Variants in TNIK observed in about 807,000 individuals in gnomAD.
The protein encoded by TNIK is TRAF2 and NCK interacting kinase, also known as TRAF2 and NCK-interacting protein kinase.
TNIK carries 49 observed loss-of-function variants against 191.3 expected under a neutral mutation model. That is an observed-to-expected ratio of 0.26 (90% CI 0.20 to 0.32). The LOEUF (loss-of-function observed/expected upper bound fraction) is 0.32, where lower values mean the gene tolerates loss of function less well. Among genes scored for constraint, TNIK ranks in the 10% least tolerant of loss-of-function variants. The pLI is 1.00. For synonymous variants in TNIK, 594 were observed against 600.9 expected (o/e 0.99, Z 0.17); for missense variants, 1,155 against 1,702.3 (o/e 0.68, Z 5.66).
intron 22 of TNIK, among the ~76,000 whole-genome samples, chr3:171,096,175 G>A (rs1314536424): frequency 1.3e-5 from 2 of 152,008 alleles, no homozygotes; most frequent in Non-Finnish European, 2.9e-5. Context: ...GGCTCAGTTG[G>A]CCTGGTGGCA....
rs780847777 is a variant in TNIK at position 171,085,237 on chromosome 3, A to G, written c.2887-8T>C. The G allele has an allele frequency of 2.5e-6, 4 of 1,599,796 alleles. No homozygotes were observed. The South Asian group carries it at 3.4e-5, about 14-fold the overall frequency. Reference sequence around the variant, plus strand: ...GCTGCTCCCCATGCCATACTAATCAATAAGCAAGAAGATTAAGAAGAGCAG... The same window carrying G: ...GCTGCTCCCCATGCCATACTAATCAGTAAGCAAGAAGATTAAGAAGAGCAG... On this transcript the variant is annotated splice_region_variant and splice_polypyrimidine_tract_variant and intron_variant, in intron 24 of 32. Transcript: ENST00000436636.
Position 171,128,774 on chromosome 3 carries a change from G to C in TNIK, c.1713C>G (p.Phe571Leu). Residue 571 changes from phenylalanine to leucine, a missense_variant, in exon 16 of 33, where the codon TTC becomes TTG. Phe to Leu is a conservative substitution (Grantham distance 22). This residue lies in a region of TNIK where 735 missense variants were observed against 848.0 expected (regional missense o/e 0.87). Coordinates refer to ENST00000436636, the MANE Select transcript of TNIK (RefSeq NM_015028.4). ...GAGCAGGCTGAACTCCACTAATGCTGAAGGACTCCGACCTTGGGGGCAGGT... is the reference window on the plus strand; with the variant it reads ...GAGCAGGCTGAACTCCACTAATGCTCAAGGACTCCGACCTTGGGGGCAGGT... ...DPNLPPRSES[F>L]SISGVQPART... 1 of 1,612,212 alleles carries C rather than the reference G, an allele frequency of 6.2e-7. No homozygotes were observed. Among genetic ancestry groups the C allele is most frequent in the Non-Finnish European group, 8.5e-7 (1 of 1,179,492 alleles).
chr3:171,255,139 AAT>A (rs10572047), intron 2 of TNIK, among the ~76,000 whole-genome samples: 46,545 of 151,922 alleles, frequency 0.31, 7,395 homozygotes, highest in African/African-American at 0.38. Flanking sequence ...TTGAGGTTGC[AAT>A]ATGTTTTATC....
Position 171,061,145 on chromosome 3 carries a change from A to G in TNIK, c.*2736T>C, listed in dbSNP as rs1033918005. ...AGGACACCATTCTGACGTATTCTGC[A>G]TGTTCTAGGCCTCCTTATGTCAGGG... is the stretch of plus-strand genomic sequence containing the variant. On this transcript the variant is annotated 3_prime_UTR_variant, in exon 33 of 33. Transcript: ENST00000436636. Among the ~76,000 whole-genome samples, 6 of 152,140 alleles carry G rather than the reference A, an allele frequency of 3.9e-5. No homozygotes were observed. The highest frequency in any genetic ancestry group is 7.4e-5 in the Non-Finnish European group (5 of 68,020).
chr3:171,389,761 G>A (rs1340641409), intron 1 of TNIK, among the ~76,000 whole-genome samples: 1 of 152,188 alleles, frequency 6.6e-6, no homozygotes, highest in Non-Finnish European at 1.5e-5. Context: ...CATGTACTTA[G>A]GGGATTGATC....
chr3:171,437,070 AG>A (rs1379372261), intron 1 of TNIK, among the ~76,000 whole-genome samples: 1 of 152,204 alleles, frequency 6.6e-6, no homozygotes, highest in Non-Finnish European at 1.5e-5. Flanking sequence ...CTTTCTTTAT[AG>A]CTGGAATGTC....
At chr3:171,356,699 C>T (rs1714125647) in intron 2 of TNIK, among the ~76,000 whole-genome samples, 1 of 152,164 alleles carries the variant, frequency 6.6e-6, no homozygotes, top group Non-Finnish European at 1.5e-5. Flanking sequence ...ATTTAGGCGA[C>T]TCGATCAGGA....
intron 3 of TNIK, among the ~76,000 whole-genome samples, chr3:171,219,985 G>A (rs375567693): frequency 1.5e-4 from 23 of 152,156 alleles, no homozygotes; most frequent in African/African-American, 5.5e-4. Context: ...AAGACTTGGA[G>A]CCAACCCAAA....
intron 28 of TNIK, among the ~76,000 whole-genome samples, chr3:171,074,224 T>TGG (rs1719600824): frequency 6.6e-6 from 1 of 152,110 alleles, no homozygotes; most frequent in Non-Finnish European, 1.5e-5. Flanking sequence ...GCAACGTGGA[T>TGG]GGAGCTGTAG....
At chr3:171,301,221 T>C (rs1326064711) in intron 2 of TNIK, among the ~76,000 whole-genome samples, 4 of 151,390 alleles carry the variant, frequency 2.6e-5, no homozygotes, top group Non-Finnish European at 4.4e-5. Flanking sequence ...GCTCTGGCAA[T>C]AGTAATTAAC....
intron 2 of TNIK, among the ~76,000 whole-genome samples, chr3:171,253,240 C>T (rs1746446197): frequency 6.7e-6 from 1 of 149,296 alleles, no homozygotes; most frequent in Non-Finnish European, 1.5e-5. Flanking sequence ...GCCGAGATCA[C>T]ACCACTGCAC....
intron 2 of TNIK, among the ~76,000 whole-genome samples, chr3:171,363,581 A>C (rs12495787): frequency 1.4e-4 from 22 of 152,220 alleles, no homozygotes; most frequent in Non-Finnish European, 2.8e-4. Flanking sequence ...CAATAAGTGA[A>C]TAGTATAATA....
chr3:171,427,136 T>C (rs1724748057), intron 1 of TNIK, among the ~76,000 whole-genome samples: 1 of 152,180 alleles, frequency 6.6e-6, no homozygotes, highest in Non-Finnish European at 1.5e-5. Flanking sequence ...ATCTCAGGAA[T>C]CCCACTGTTA....
At chr3:171,068,547 C>T (rs557426513) in intron 30 of TNIK, among the ~76,000 whole-genome samples, 1 of 152,188 alleles carries the variant, frequency 6.6e-6, no homozygotes, top group South Asian at 2.1e-4. Flanking sequence ...ACTTGTCTAC[C>T]GAATATAATT....
At chr3:171,142,508 C>T (rs181085442) in intron 12 of TNIK, among the ~76,000 whole-genome samples, 24 of 152,208 alleles carry the variant, frequency 1.6e-4, no homozygotes, top group Admixed American at 1.4e-3. Flanking sequence ...ATAAAATAGG[C>T]AGGATTTGGT....
chr3:171,142,855 T>C (rs1731029479), intron 12 of TNIK, among the ~76,000 whole-genome samples: 1 of 152,202 alleles, frequency 6.6e-6, no homozygotes. Flanking sequence ...ATATTTCAAA[T>C]TTCTTACTCC....
At position 171,087,358 on chromosome 3, in the gene TNIK, A is replaced by T. The variant is rs1365964226; in HGVS notation, c.2870T>A (p.Met957Lys). 6.2e-7 allele frequency: 1 copy of T among 1,613,924 alleles called. No individual in the cohort carries two copies. Among genetic ancestry groups the T allele is most frequent in the South Asian group, 1.1e-5 (1 of 91,074 alleles). Reference protein sequence around the residue: ...LGRVSTHSQEMDSGTEYGMGS... With the variant: ...LGRVSTHSQEKDSGTEYGMGS... ...AGCACCTACTTCAGTCCCAGAGTCC[A>T]TCTCCTGGGAATGGGTTGAGACGCG... is the stretch of plus-strand genomic sequence containing the variant. The change falls in exon 24 of 33, where the codon ATG becomes AAG. Residue 957 changes from methionine to lysine, a missense_variant. Physicochemically the swap from Met to Lys is moderately conservative, Grantham distance 95 (BLOSUM62 -1). This residue lies in a region of TNIK where 735 missense variants were observed against 848.0 expected (regional missense o/e 0.87). Coordinates refer to ENST00000436636, the MANE Select transcript of TNIK (RefSeq NM_015028.4).
intron 1 of TNIK, among the ~76,000 whole-genome samples, chr3:171,435,724 C>G (rs1378018758): frequency 1.3e-5 from 2 of 152,176 alleles, no homozygotes; most frequent in Non-Finnish European, 2.9e-5. Context: ...GCTTACATAG[C>G]ATTTTCTGTG....
At position 171,183,801 on chromosome 3, in the gene TNIK, A is replaced by G. The variant is rs1053245885; in HGVS notation, c.639+4901T>C. Among the ~76,000 whole-genome samples, 11 of 151,802 alleles carry G rather than the reference A, an allele frequency of 7.2e-5. No individual in the cohort carries two copies. The East Asian group carries it at 1.2e-3, about 16-fold the overall frequency. On this transcript the variant is annotated intron_variant, in intron 7 of 32. Coordinates refer to ENST00000436636, the MANE Select transcript of TNIK (RefSeq NM_015028.4). ...CTGGGCGTGGTGGCGGGCGCCTGTA[A>G]TCCCAGCTACTCAGGAGGCTGAGGC...
Sources: gnomAD v4.1 joint callset for allele counts (sites outside exome capture counted in the v4.1 genomes callset) on GRCh38, gnomAD v4.1.1 for gene constraint, gnomAD v4.1.1 regional missense constraint, MANE v1.5 for transcripts, NCBI Gene and HGNC (gene_info 2026-07-23, HGNC 2026-07-21) for gene names.